The following SEL1L3 variants were observed in gnomAD, a reference collection of about 807,000 sequenced individuals.
SEL1L3 encodes the protein SEL1L family member 3.
SEL1L3 carries 76 observed loss-of-function variants against 142.8 expected under a neutral mutation model. The ratio of observed to expected loss-of-function variants is 0.53; its 90% CI spans 0.44 to 0.64. The LOEUF (loss-of-function observed/expected upper bound fraction) is 0.64, where lower values mean the gene tolerates loss of function less well. Ranked by LOEUF, SEL1L3 falls within the 30% of genes least tolerant of loss-of-function variation. The probability of loss-of-function intolerance (pLI) is 0.00; values close to 1 mark genes in which losing one functional copy is unlikely to be tolerated. For missense variants in SEL1L3, 1,262 were observed against 1,381.7 expected, an observed-to-expected ratio of 0.91 and a Z score of 1.37; for synonymous variants, 504 against 519.6, an observed-to-expected ratio of 0.97 and a Z score of 0.41.
At position 25,747,525 on chromosome 4, in the gene SEL1L3, C is replaced by G. The variant is rs1248713046; in HGVS notation, c.*900G>C. ...CAATATTGCATTACTGATTTATTCA[C>G]TACCTTAGCAGCATGTAGTATACAG... On this transcript the variant is annotated 3_prime_UTR_variant, in exon 24 of 24. Transcript: ENST00000399878. 1 of 152,010 alleles carries G rather than the reference C, an allele frequency of 6.6e-6. No homozygotes were observed. Among genetic ancestry groups the G allele is most frequent in the African/African-American group, 2.4e-5 (1 of 41,362 alleles). The allele number at this position is 152,010 out of a possible 1,614,324, so 9.4% of individuals were successfully genotyped here.
At position 25,758,960 on chromosome 4, in the gene SEL1L3, G is replaced by T; in HGVS notation, c.3064C>A (p.Leu1022Ile). ...STLHSNNISI[L>I]QELYERCWSH... Reference sequence around the variant, plus strand: ...GCTCACCTTTCGTACAGTTCCTGGAGAATGGAGATGTTATTAGAATGGAGA... The same window carrying T: ...GCTCACCTTTCGTACAGTTCCTGGATAATGGAGATGTTATTAGAATGGAGA... Residue 1022 changes from leucine (L) to isoleucine (I), a missense_variant, in exon 21 of 24, where the codon CTC (leucine) becomes ATC (isoleucine). By Grantham distance (5) the Leu-to-Ile change is conservative. Around this residue, in one of 3 missense-constraint regions of SEL1L3, gnomAD observed 435 missense variants for 559.2 expected, o/e 0.78. Coordinates refer to ENST00000399878, the MANE Select transcript of SEL1L3 (RefSeq NM_015187.5). 6.2e-7 allele frequency: 1 copy of T among 1,613,846 alleles called. No homozygotes were observed. The highest frequency in any genetic ancestry group is 8.5e-7 in the Non-Finnish European group (1 of 1,179,818).
chr4:25,779,973 G>A (rs928548240), intron 15 of SEL1L3, among the ~76,000 whole-genome samples: 1 of 152,126 alleles, frequency 6.6e-6, no homozygotes, highest in African/African-American at 2.4e-5. Flanking sequence ...GTTGTTGTAA[G>A]GATTAAATGA....
At chr4:25,841,637 G>A (rs1716170110) in intron 2 of SEL1L3, among the ~76,000 whole-genome samples, 1 of 152,146 alleles carries the variant, frequency 6.6e-6, no homozygotes. Flanking sequence ...TTTTCTCCTT[G>A]GTGGAATATT....
intron 8 of SEL1L3, among the ~76,000 whole-genome samples, chr4:25,818,764 A>G (rs896087882): frequency 2.0e-5 from 3 of 152,124 alleles, no homozygotes; most frequent in Admixed American, 6.5e-5. Context: ...ATTCCTATAT[A>G]TCTTCCCCCT....
intron 23 of SEL1L3, chr4:25,756,969 GA>G: frequency 8.2e-7 from 1 of 1,215,858 alleles, no homozygotes; most frequent in Non-Finnish European, 1.1e-6. Flanking sequence ...GCTTTTTAAA[GA>G]AAGTCCTTAT....
intron 6 of SEL1L3, 113 bp from the exon 7 acceptor site, chr4:25,822,241 C>T (rs975971412): frequency 7.7e-7 from 1 of 1,304,350 alleles, no homozygotes; most frequent in South Asian, 1.4e-5. Flanking sequence ...AAGCCCTTCA[C>T]TCTGAGTTTT....
In SEL1L3 at chr4:25,804,693, C is replaced by T. The variant is rs1386050920; in HGVS notation, c.1624G>A (p.Val542Ile). ...CCATCAATGCTAGAGAGTCTCTTTA[C>T]AGCCTTCTCAAATATCTTCCCACCG... ...EIGGKIFEKA[V>I]KRLSSIDGLH... Residue 542 changes from valine to isoleucine, a missense_variant, in exon 10 of 24, where the codon GTA becomes ATA. Val to Ile is a conservative substitution (Grantham distance 29). Coordinates refer to ENST00000399878, the MANE Select transcript of SEL1L3 (RefSeq NM_015187.5). 5 of 1,613,722 alleles carry T rather than the reference C, an allele frequency of 3.1e-6. No homozygotes were observed. The South Asian group carries it at 5.5e-5, about 18-fold the overall frequency.
intron 1 of SEL1L3, among the ~76,000 whole-genome samples, chr4:25,858,500 G>A (rs530382520): frequency 2.0e-5 from 3 of 152,270 alleles, no homozygotes; most frequent in South Asian, 4.1e-4. Flanking sequence ...TGTCACAGCC[G>A]CTGTCTGCTA....
chr4:25,756,107 C>T (rs2109117226), intron 23 of SEL1L3: 5 of 985,418 alleles, frequency 5.1e-6, no homozygotes, highest in Non-Finnish European at 6.0e-6. Context: ...GACGTGCACC[C>T]CTTTCACTTT....
intron 6 of SEL1L3, among the ~76,000 whole-genome samples, chr4:25,827,836 G>C (rs532647152): frequency 4.7e-5 from 7 of 149,870 alleles, no homozygotes; most frequent in African/African-American, 1.7e-4. Flanking sequence ...GTGGGTTTCA[G>C]GGGAGAGAGA....
chr4:25,766,897 G>A (rs1163979095), intron 19 of SEL1L3, among the ~76,000 whole-genome samples: 1 of 152,180 alleles, frequency 6.6e-6, no homozygotes, highest in Non-Finnish European at 1.5e-5. Context: ...CTGGAGGCCA[G>A]TCCCCCACCA....
At chr4:25,716,080 A>G in the SEL1L3 span, among the ~76,000 whole-genome samples, 24 of 152,282 alleles carry the variant, frequency 1.6e-4, no homozygotes, top group East Asian at 1.4e-3. Flanking sequence ...TTGATATAAT[A>G]AAAGGTATCA....
At chr4:25,720,151 A>G in the SEL1L3 span, 1 of 152,204 alleles carries the variant, frequency 6.6e-6, no homozygotes, top group African/African-American at 2.4e-5. Context: ...GCCTGGGATT[A>G]AAATGGTAAC....
intron 11 of SEL1L3, among the ~76,000 whole-genome samples, chr4:25,791,270 T>C (rs1481969256): frequency 6.6e-6 from 1 of 152,158 alleles, no homozygotes. Context: ...AAATCTACCC[T>C]GAAAAGAAGA....
At chr4:25,772,613 GA>G (rs1719302828) in intron 17 of SEL1L3, among the ~76,000 whole-genome samples, 1 of 141,596 alleles carries the variant, frequency 7.1e-6, no homozygotes, top group Non-Finnish European at 1.6e-5. Context: ...GAAAGGAAAA[GA>G]AAGAAAAAAG....
At chr4:25,855,775 G>C (rs890871824) in intron 1 of SEL1L3, among the ~76,000 whole-genome samples, 4 of 151,732 alleles carry the variant, frequency 2.6e-5, no homozygotes, top group Non-Finnish European at 4.4e-5. Context: ...AAAAAAAAAA[G>C]CACTGGGCAT....
At chr4:25,810,539 A>G (rs1713950913) in intron 9 of SEL1L3, among the ~76,000 whole-genome samples, 1 of 152,210 alleles carries the variant, frequency 6.6e-6, no homozygotes, top group African/African-American at 2.4e-5. Context: ...AAACATGCAT[A>G]CTAAAACACC....
chr4:25,727,425 A>G, the SEL1L3 span, among the ~76,000 whole-genome samples: 20 of 152,226 alleles, frequency 1.3e-4, no homozygotes, highest in South Asian at 1.5e-3. Context: ...TAATAAACCC[A>G]TCTTTGAAGG....
the SEL1L3 span, among the ~76,000 whole-genome samples, chr4:25,735,365 T>G: frequency 6.6e-6 from 1 of 152,118 alleles, no homozygotes; most frequent in Non-Finnish European, 1.5e-5. Flanking sequence ...TCTTTTAATG[T>G]CTGTGGGATC....
Sources: allele counts gnomAD v4.1 joint callset (sites outside exome capture counted in the v4.1 genomes callset), GRCh38; gene constraint gnomAD v4.1.1; regional missense constraint gnomAD v4.1.1; transcripts MANE v1.5; gene names NCBI Gene and HGNC (gene_info 2026-07-23, HGNC 2026-07-21).